Variants in RARB observed in about 807,000 individuals in gnomAD.
RARB encodes the protein retinoic acid receptor beta.
In RARB, 17 loss-of-function variants were observed where a neutral mutation model predicts 51.9. That is an observed-to-expected ratio of 0.33 (90% CI 0.22 to 0.49). RARB has a LOEUF of 0.49. Among genes scored for constraint, RARB ranks in the 20% least tolerant of loss-of-function variants. The probability of loss-of-function intolerance (pLI) is 0.99; values close to 1 mark genes in which losing one functional copy is unlikely to be tolerated. For missense variants in RARB, 369 were observed against 550.8 expected (o/e 0.67, Z 3.30); for synonymous variants, 215 against 195.4 (o/e 1.10, Z -0.84).
At position 25,569,205 on chromosome 3, in the gene RARB, G is replaced by A. The variant is rs545965412; in HGVS notation, c.449-553G>A. Among the ~76,000 whole-genome samples, 51 of 152,330 alleles carry A rather than the reference G, an allele frequency of 3.3e-4. 1 individual carries two copies. Among genetic ancestry groups the A allele is most frequent in the Non-Finnish European group, 6.0e-4 (41 of 68,020 alleles). ...ACAGATAATATGGTTCATACAGAAA[G>A]TTTAGAAAGCAGAAAAACACGAAGG... On this transcript the variant is annotated intron_variant, in intron 3 of 7. Coordinates refer to ENST00000330688, the MANE Select transcript of RARB (RefSeq NM_000965.5).
rs555010430 is a variant in RARB at position 24,944,452 on chromosome 3, C to A, written c.-380+85700C>A. Among the ~76,000 whole-genome samples, 7 of 152,292 alleles carry A rather than the reference C, an allele frequency of 4.6e-5. No individual in the cohort carries two copies. In the South Asian group the frequency reaches 1.4e-3, roughly 32 times the overall value. On this transcript the variant is annotated intron_variant, in intron 2 of 11. Transcript: ENST00000383772. Reference sequence around the variant, plus strand: ...CTCATTTAATCCATACTGGCGTGTTCTTAGGCATTGCCTTTGTTGCTTTGC... The same window carrying A: ...CTCATTTAATCCATACTGGCGTGTTATTAGGCATTGCCTTTGTTGCTTTGC...
intron 3 of RARB, among the ~76,000 whole-genome samples, chr3:25,066,191 G>A (rs1052204654): frequency 1.3e-5 from 2 of 152,030 alleles, no homozygotes; most frequent in Non-Finnish European, 2.9e-5. Context: ...TAAACAAATT[G>A]CCTTTGATAA....
chr3:25,284,738 T>G (rs536089443), intron 5 of RARB, among the ~76,000 whole-genome samples: 2 of 152,286 alleles, frequency 1.3e-5, no homozygotes, highest in South Asian at 4.2e-4. Context: ...TTTAACAACA[T>G]GAGTTTGAAC....
intron 3 of RARB, among the ~76,000 whole-genome samples, chr3:25,070,360 G>A (rs748529417): frequency 6.6e-6 from 1 of 152,118 alleles, no homozygotes; most frequent in Non-Finnish European, 1.5e-5. Flanking sequence ...GGAAGAGCGA[G>A]TGCATACTTG....
intron 5 of RARB, among the ~76,000 whole-genome samples, chr3:25,220,173 C>A (rs1037800374): frequency 6.6e-6 from 1 of 152,160 alleles, no homozygotes; most frequent in Non-Finnish European, 1.5e-5. Flanking sequence ...TCATTGCTAA[C>A]TCAAAGTCAA....
At chr3:25,158,859 C>T (rs987539763) in intron 4 of RARB, among the ~76,000 whole-genome samples, 5 of 152,076 alleles carry the variant, frequency 3.3e-5, no homozygotes, top group Non-Finnish European at 5.9e-5. Flanking sequence ...TCTAGGTCCT[C>T]AGAGTTCTGT....
intron 4 of RARB, among the ~76,000 whole-genome samples, chr3:25,141,223 G>A (rs780820034): frequency 3.0e-4 from 46 of 151,922 alleles, no homozygotes; most frequent in African/African-American, 3.6e-4. Context: ...ACTCATAAAC[G>A]TTCTTAAAAG....
chr3:25,414,170 C>T (rs1028552024), intron 5 of RARB, among the ~76,000 whole-genome samples: 4 of 152,174 alleles, frequency 2.6e-5, no homozygotes, highest in Non-Finnish European at 5.9e-5. Context: ...TCAAATTATA[C>T]ATTAGCTACT....
At chr3:25,303,749 A>G (rs1704093219) in intron 5 of RARB, among the ~76,000 whole-genome samples, 1 of 152,172 alleles carries the variant, frequency 6.6e-6, no homozygotes, top group South Asian at 2.1e-4. Flanking sequence ...CACTGGAGGC[A>G]TTTCAGTAAA....
At chr3:25,219,222 C>G (rs1224862349) in intron 5 of RARB, among the ~76,000 whole-genome samples, 1 of 151,284 alleles carries the variant, frequency 6.6e-6, no homozygotes, top group Non-Finnish European at 1.5e-5. Context: ...TTTTAATGAT[C>G]CTCTCTCTTG....
At chr3:25,051,225 T>C (rs1346708260) in intron 2 of RARB, among the ~76,000 whole-genome samples, 1 of 152,110 alleles carries the variant, frequency 6.6e-6, no homozygotes, top group Non-Finnish European at 1.5e-5. Context: ...CTGTCAAGGA[T>C]ATTAAGACAC....
chr3:25,010,013 C>A (rs1447632402), intron 2 of RARB, among the ~76,000 whole-genome samples: 1 of 152,130 alleles, frequency 6.6e-6, no homozygotes, highest in African/African-American at 2.4e-5. Context: ...TTCTGCCAGT[C>A]CCAAATGCTG....
chr3:25,297,503 T>G (rs322669), intron 5 of RARB, among the ~76,000 whole-genome samples: 36,262 of 148,582 alleles, frequency 0.24, 4,682 homozygotes, highest in South Asian at 0.44. Flanking sequence ...TCCACAGAGA[T>G]GTAACATTAT....
chr3:24,919,825 C>G (rs1215003535), intron 2 of RARB, among the ~76,000 whole-genome samples: 1 of 152,136 alleles, frequency 6.6e-6, no homozygotes, highest in Non-Finnish European at 1.5e-5. Flanking sequence ...TAGCAGTTTC[C>G]TCTTTCTGCT....
At chr3:24,908,778 C>A (rs529787287) in intron 2 of RARB, among the ~76,000 whole-genome samples, 1 of 145,340 alleles carries the variant, frequency 6.9e-6, no homozygotes, top group African/African-American at 2.5e-5. Flanking sequence ...AGACCTGTTA[C>A]CTTTGTAATT....
intron 2 of RARB, among the ~76,000 whole-genome samples, chr3:25,004,734 C>G (rs1697233504): frequency 6.6e-6 from 1 of 152,070 alleles, no homozygotes; most frequent in South Asian, 2.1e-4. Context: ...AATAGTTAGC[C>G]TTTTCCAAAT....
chr3:24,950,447 T>G (rs542433210), intron 2 of RARB, among the ~76,000 whole-genome samples: 1 of 152,358 alleles, frequency 6.6e-6, no homozygotes, highest in African/African-American at 2.4e-5. Context: ...CTGATTTTCA[T>G]GCCAGTTTTT....
intron 2 of RARB, among the ~76,000 whole-genome samples, chr3:24,900,468 A>G (rs1045738193): frequency 1.3e-5 from 2 of 152,214 alleles, no homozygotes; most frequent in East Asian, 1.9e-4. Context: ...CCTTGGAAGT[A>G]TGCACATGAA....
chr3:25,175,880 T>G (rs913553782), intron 5 of RARB, among the ~76,000 whole-genome samples: 3 of 152,196 alleles, frequency 2.0e-5, no homozygotes, highest in Admixed American at 2.0e-4. Flanking sequence ...AGCGGCGTAT[T>G]GACTATCCAG....
Sources: allele counts gnomAD v4.1 joint callset (sites outside exome capture counted in the v4.1 genomes callset), GRCh38; gene constraint gnomAD v4.1.1; transcripts MANE v1.5; gene names NCBI Gene and HGNC (gene_info 2026-07-23, HGNC 2026-07-21).